BACH2: variants seen among roughly 807,000 people sequenced by gnomAD.
The protein encoded by BACH2 is transcription regulator protein BACH2.
In BACH2, 5 loss-of-function variants were observed where a neutral mutation model predicts 61.8. The ratio of observed to expected loss-of-function variants is 0.08; its 90% CI spans 0.04 to 0.17. The LOEUF (loss-of-function observed/expected upper bound fraction) is 0.17. BACH2 is among the 10% of genes least tolerant of loss of function. BACH2 has a pLI of 1.00. For synonymous variants in BACH2, 446 were observed against 440.1 expected, an observed-to-expected ratio of 1.01 and a Z score of -0.17; for missense variants, 824 against 1,091.1, an observed-to-expected ratio of 0.76 and a Z score of 3.45.
chr6:90,075,355 T>G (rs1230954767), intron 5 of BACH2, among the ~76,000 whole-genome samples: 1 of 152,154 alleles, frequency 6.6e-6, no homozygotes, highest in African/African-American at 2.4e-5. Flanking sequence ...ACATTTTACA[T>G]GATGCCTTTT....
chr6:89,981,131 C>T (rs6902470), intron 6 of BACH2, among the ~76,000 whole-genome samples: 23,773 of 145,166 alleles, frequency 0.16, 2,403 homozygotes, highest in Non-Finnish European at 0.23. Flanking sequence ...CATCGTGATT[C>T]GCTTTTTTTT....
intron 5 of BACH2, among the ~76,000 whole-genome samples, chr6:90,028,875 C>G (rs549997381): frequency 3.9e-5 from 6 of 152,336 alleles, no homozygotes; most frequent in African/African-American, 1.4e-4. Context: ...CTGATCTGTA[C>G]TAAAAGTACC....
At chr6:90,088,804 C>A (rs1782035549) in intron 5 of BACH2, among the ~76,000 whole-genome samples, 157 bp downstream of exon 5, 2 of 152,138 alleles carry the variant, frequency 1.3e-5, no homozygotes, top group East Asian at 3.9e-4. Flanking sequence ...AAGGAACCAC[C>A]AATATACAGA....
chr6:90,218,878 G>A (rs559923882), intron 3 of BACH2, among the ~76,000 whole-genome samples: 1 of 151,966 alleles, frequency 6.6e-6, no homozygotes, highest in Non-Finnish European at 1.5e-5. Flanking sequence ...ATCCACTGGA[G>A]TTGGGGGACA....
At chr6:90,031,106 CAT>C (rs1778955679) in intron 5 of BACH2, among the ~76,000 whole-genome samples, 1 of 151,834 alleles carries the variant, frequency 6.6e-6, no homozygotes, top group African/African-American at 2.4e-5. Context: ...ACAAAAACCA[CAT>C]GATTATCTCA....
intron 5 of BACH2, among the ~76,000 whole-genome samples, chr6:90,056,642 T>C (rs1780369175): frequency 6.6e-6 from 1 of 151,928 alleles, no homozygotes; most frequent in Admixed American, 6.6e-5. Context: ...TCTACAGAAC[T>C]CTCCACCCCA....
Position 89,979,889 on chromosome 6 carries a change from G to A in BACH2, c.244-28027C>T, listed in dbSNP as rs148605646. Among the ~76,000 whole-genome samples, 944 of 152,302 alleles carry A rather than the reference G, an allele frequency of 6.2e-3. 9 individuals carry two copies. The highest frequency in any genetic ancestry group is 0.01 in the Middle Eastern group (3 of 294). On this transcript the variant is annotated intron_variant, in intron 6 of 8. Coordinates refer to ENST00000257749, the MANE Select transcript of BACH2 (RefSeq NM_021813.4). Reference sequence around the variant, plus strand: ...CCTTAGACACTGGGCTACCGAAAATGTAACCTGCATTTGCATGAACCAAAT... The same window carrying A: ...CCTTAGACACTGGGCTACCGAAAATATAACCTGCATTTGCATGAACCAAAT...
intron 6 of BACH2, among the ~76,000 whole-genome samples, chr6:89,992,596 C>T (rs908865207): frequency 2.6e-5 from 4 of 152,124 alleles, no homozygotes; most frequent in Non-Finnish European, 4.4e-5. Context: ...GAGCTGAGAT[C>T]GTGCCACTGC....
At chr6:90,266,991 T>A (rs1771356191) in intron 2 of BACH2, among the ~76,000 whole-genome samples, 1 of 152,108 alleles carries the variant, frequency 6.6e-6, no homozygotes, top group Non-Finnish European at 1.5e-5. Context: ...TGCCAAGCTA[T>A]AAAGATGCCC....
intron 4 of BACH2, among the ~76,000 whole-genome samples, chr6:90,113,403 C>T (rs1783260654): frequency 6.6e-6 from 1 of 152,126 alleles, no homozygotes; most frequent in South Asian, 2.1e-4. Context: ...TCTCAGACCA[C>T]AGCACAATAA....
chr6:90,121,021 T>TG (rs1242848407), intron 4 of BACH2, among the ~76,000 whole-genome samples: 1 of 152,150 alleles, frequency 6.6e-6, no homozygotes, highest in Admixed American at 6.6e-5. Flanking sequence ...TGTGAAAGAT[T>TG]GGGGAAATAA....
intron 3 of BACH2, among the ~76,000 whole-genome samples, chr6:90,242,219 T>TA (rs777663190): frequency 9.2e-5 from 14 of 152,186 alleles, no homozygotes; most frequent in Non-Finnish European, 1.5e-4. Context: ...TCACAGCCCT[T>TA]AAAATCCACT....
At chr6:89,952,100 T>A in intron 6 of BACH2, 1 of 561,794 alleles carries the variant, frequency 1.8e-6, no homozygotes. Flanking sequence ...ATCACCAGGG[T>A]CAAGTGGCTA....
chr6:89,935,365 T>A (rs1415719997), intron 8 of BACH2, among the ~76,000 whole-genome samples: 1 of 152,158 alleles, frequency 6.6e-6, no homozygotes, highest in Admixed American at 6.5e-5. Flanking sequence ...GCTTGGGCGC[T>A]GGGAGAGGAA....
In BACH2 at chr6:90,223,635, AT is replaced by A. The variant is rs367976516; in HGVS notation, c.-274-16955del. On this transcript the variant is annotated intron_variant, in intron 3 of 8. Coordinates refer to ENST00000257749, the MANE Select transcript of BACH2 (RefSeq NM_021813.4). ...AGGTGCACACCACTACACCCAGCTA[AT>A]TTTTTTTTTGTTTTTTTAAGTAGAG... Among the ~76,000 whole-genome samples, 68 of 149,286 alleles carry A rather than the reference AT, an allele frequency of 4.6e-4. 1 individual carries two copies. Among genetic ancestry groups the A allele is most frequent in the African/African-American group, 1.5e-3 (59 of 40,604 alleles).
At chr6:90,158,696 C>A (rs1405844922) in intron 4 of BACH2, among the ~76,000 whole-genome samples, 1 of 150,978 alleles carries the variant, frequency 6.6e-6, no homozygotes, top group East Asian at 2.0e-4. Flanking sequence ...ATTTACTTCC[C>A]TCTCCTATTC....
At chr6:90,192,239 A>G (rs1446575134) in intron 4 of BACH2, among the ~76,000 whole-genome samples, 2 of 151,884 alleles carry the variant, frequency 1.3e-5, no homozygotes. Context: ...TCTCTTTTTC[A>G]TGGGAGATTT....
Position 89,927,815 on chromosome 6 carries a change from A to G in BACH2, c.*4593T>C, listed in dbSNP as rs1243559011. 6.5e-6 allele frequency: 1 copy of G among 152,812 alleles called. No individual in the cohort carries two copies. Among genetic ancestry groups the G allele is most frequent in the East Asian group, 1.9e-4 (1 of 5,344 alleles). The allele number at this position is 152,812 out of a possible 1,614,324, so 9.5% of individuals were successfully genotyped here. ...TTTTGCACCGTCAGTTGAATAATTT[A>G]TGCTCAATCTGCCACAATGAGACTT... On this transcript the variant is annotated 3_prime_UTR_variant, in exon 9 of 9. Coordinates refer to ENST00000257749, the MANE Select transcript of BACH2 (RefSeq NM_021813.4).
At chr6:90,241,969 A>C (rs533748764) in intron 3 of BACH2, among the ~76,000 whole-genome samples, 134 of 150,654 alleles carry the variant, frequency 8.9e-4, no homozygotes, top group Non-Finnish European at 1.8e-3. Context: ...TATTTTTTAG[A>C]GCAGTTTTAG....
Sources: allele counts gnomAD v4.1 joint callset (sites outside exome capture counted in the v4.1 genomes callset), GRCh38; gene constraint gnomAD v4.1.1; transcripts MANE v1.5; gene names NCBI Gene and HGNC (gene_info 2026-07-23, HGNC 2026-07-21).